The following SEPTIN3 variants were observed in gnomAD, a reference collection of about 807,000 sequenced individuals.
The protein encoded by SEPTIN3 is septin 3.
SEPTIN3 carries 15 observed loss-of-function variants against 45.1 expected under a neutral mutation model. The observed-to-expected ratio is 0.33, with a 90% CI of 0.22 to 0.51. SEPTIN3 has a LOEUF of 0.51. SEPTIN3 is among the 20% of genes least tolerant of loss of function. SEPTIN3 has a pLI of 0.97. For synonymous variants in SEPTIN3, 148 were observed against 164.8 expected, an observed-to-expected ratio of 0.90 and a Z score of 0.78; for missense variants, 289 against 457.2, an observed-to-expected ratio of 0.63 and a Z score of 3.35.
chr22:41,979,554 C>T (rs2078088300), intron 2 of SEPTIN3, among the ~76,000 whole-genome samples: 3 of 152,310 alleles, frequency 2.0e-5, no homozygotes, highest in Admixed American at 1.3e-4. Context: ...CTGTGAGCCA[C>T]GTGCAAGAGT....
intron 7 of SEPTIN3, 80 bp from the exon 8 acceptor site, chr22:41,991,493 G>C: frequency 9.9e-7 from 1 of 1,013,744 alleles, no homozygotes; most frequent in Non-Finnish European, 1.6e-6. Context: ...TCTGACCTCA[G>C]CTCACGCACA....
intron 2 of SEPTIN3, 98 bp from the exon 3 acceptor site, chr22:41,981,547 T>C (rs2078120362): frequency 2.9e-6 from 3 of 1,046,284 alleles, no homozygotes; most frequent in Admixed American, 2.6e-5. Context: ...GGCCCAACTT[T>C]GTATGATTCT....
Position 41,971,700 on chromosome 22 carries a change from C to T in SEPTIN3, c.208C>T (p.Arg70Trp), listed in dbSNP as rs552244203. ...PQSHIPQTSS[R>W]LGLGARTRSV... ...AAGCCATATCCCACAGACCTCCAGC[C>T]GGCTGGGCCTTGGAGCCAGGACCCG... Residue 70 changes from arginine to tryptophan, a missense_variant, in exon 2 of 12, where the codon CGG (arginine) becomes TGG (tryptophan). Coordinates refer to ENST00000644076, the MANE Select transcript of SEPTIN3 (RefSeq NM_001363845.2). The T allele has an allele frequency of 1.3e-5, 5 of 399,210 alleles. No homozygotes were observed. Among genetic ancestry groups the T allele is most frequent in the East Asian group, 7.1e-5 (2 of 28,060 alleles). The allele number at this position is 399,210 out of a possible 1,614,324, so 24.7% of individuals were successfully genotyped here. A position where few individuals can be genotyped will look rare whatever the true frequency, so the allele number is the denominator to read the frequency against.
Position 41,994,742 on chromosome 22 carries a change from G to T in SEPTIN3, c.2505+28G>T. 6.2e-7 allele frequency: 1 copy of T among 1,614,050 alleles called. No individual in the cohort carries two copies. Among genetic ancestry groups the T allele is most frequent in the Non-Finnish European group, 8.5e-7 (1 of 1,180,032 alleles). ...GAGCGTGGACACAGAGGAAAGCCAC[G>T]ACAGTAACCCATGACGACCACTTCT... On this transcript the variant is annotated intron_variant, in intron 11 of 11. Coordinates refer to ENST00000644076, the MANE Select transcript of SEPTIN3 (RefSeq NM_001363845.2). This position sits in a 1 kb window ranked among gnomAD's most constrained non-coding sequence, Gnocchi z 4.2.
In SEPTIN3 at chr22:41,997,306, G is replaced by A; in HGVS notation, c.*339G>A. On this transcript the variant is annotated 3_prime_UTR_variant, in exon 12 of 12. Transcript: ENST00000644076. Reference sequence around the variant, plus strand: ...CTTGTAACCATCTCTAAGGGCAATGGCATTGCTCCCTACCCATTCATCTGC... The same window carrying A: ...CTTGTAACCATCTCTAAGGGCAATGACATTGCTCCCTACCCATTCATCTGC... The A allele has an allele frequency of 3.4e-6, 1 of 295,042 alleles. No individual in the cohort carries two copies. The allele number at this position is 295,042 out of a possible 1,614,324, so 18.3% of individuals were successfully genotyped here.
At chr22:41,985,385 A>G (rs1398383230) in intron 3 of SEPTIN3, among the ~76,000 whole-genome samples, 1 of 152,216 alleles carries the variant, frequency 6.6e-6, no homozygotes, top group Non-Finnish European at 1.5e-5. Flanking sequence ...CTACACTAGA[A>G]GAAAGAGTGG....
In SEPTIN3 at chr22:41,991,688, C is replaced by G. The variant is rs766510811; in HGVS notation, c.2259+20C>G. The G allele has an allele frequency of 1.3e-6, 2 of 1,485,940 alleles. No homozygotes were observed. The highest frequency in any genetic ancestry group is 1.9e-6 in the Non-Finnish European group (2 of 1,063,614). 92.0% of individuals were successfully genotyped at this position (1,485,940 alleles called of 1,614,324 possible). ...ATCAGGGTGGGTGCCTGGGGCACTG[C>G]TCCTCCACTGATGCCCCCTTGCGAC... On this transcript the variant is annotated intron_variant, in intron 8 of 11. Transcript: ENST00000644076.
chr22:41,994,505 T>C lies in SEPTIN3; in HGVS notation c.2412-116T>C. 1 of 1,551,790 alleles carries C rather than the reference T, an allele frequency of 6.4e-7. No homozygotes were observed. The highest frequency in any genetic ancestry group is 8.8e-7 in the Non-Finnish European group (1 of 1,137,480). On this transcript the variant is annotated intron_variant, in intron 10 of 11. Transcript: ENST00000644076. This position sits in a 1 kb window ranked among gnomAD's most constrained non-coding sequence, Gnocchi z 4.2. ...ATGGAAGGTGCTGTAGAAGAATCCT[T>C]AGCTCCTGGGAGTGGTTCCCATTCA...
At chr22:41,977,152 G>C in intron 2 of SEPTIN3, 28 of 1,464,410 alleles carry the variant, frequency 1.9e-5, no homozygotes, top group Non-Finnish European at 2.6e-5. Context: ...AGGCGCTCCT[G>C]GGGGAGGGTT....
At position 41,971,637 on chromosome 22, in the gene SEPTIN3, G is replaced by C. The variant is rs76401019; in HGVS notation, c.145G>C (p.Val49Leu). 5.0e-6 allele frequency: 2 copies of C among 397,948 alleles called. No individual in the cohort carries two copies. The highest frequency in any genetic ancestry group is 4.1e-5 in the African/African-American group (2 of 48,194). 24.7% of individuals were successfully genotyped at this position (397,948 alleles called of 1,614,324 possible). A position where few individuals can be genotyped will look rare whatever the true frequency, so the allele number is the denominator to read the frequency against. ...LPGGGSPLTP[V>L]LRKTIHLDTF... The stretch of plus-strand genomic sequence containing the variant: ...TGGAGGAGGGTCCCCCCTCACCCCC[G>C]TCCTCAGGAAGACCATCCATCTGGA... Residue 49 changes from valine to leucine, a missense_variant, in exon 2 of 12, where the codon GTC becomes CTC. Val to Leu is a conservative substitution (Grantham distance 32, BLOSUM62 1). Around this residue, in one of 3 missense-constraint regions of SEPTIN3, gnomAD observed 200 missense variants for 315.1 expected, o/e 0.63. Coordinates refer to ENST00000644076, the MANE Select transcript of SEPTIN3 (RefSeq NM_001363845.2).
intron 3 of SEPTIN3, among the ~76,000 whole-genome samples, chr22:41,983,488 C>G (rs1410097841): frequency 3.9e-5 from 6 of 152,210 alleles, no homozygotes; most frequent in Non-Finnish European, 8.8e-5. Flanking sequence ...AACTCTGTAA[C>G]AAACTCTCCT....
rs976429747 is a variant in SEPTIN3 at position 41,996,017 on chromosome 22, G to C, written c.2506-885G>C. The stretch of plus-strand genomic sequence containing the variant: ...TCAGACTTCTCTCCCTTCTAAGCAG[G>C]CTTCTCTGTTGCTCCATTTGCTTCA... On this transcript the variant is annotated intron_variant, in intron 11 of 11. Coordinates refer to ENST00000644076, the MANE Select transcript of SEPTIN3 (RefSeq NM_001363845.2). 4 of 985,172 alleles carry C rather than the reference G, an allele frequency of 4.1e-6. No homozygotes were observed. The Admixed American group carries it at 2.5e-4, about 61-fold the overall frequency. 61.0% of individuals were successfully genotyped at this position (985,172 alleles called of 1,614,324 possible). A position where few individuals can be genotyped will look rare whatever the true frequency, so the allele number is the denominator to read the frequency against.
chr22:41,972,317 C>T lies in SEPTIN3; in HGVS notation c.825C>T (p.Asn275=), dbSNP rs2077968621. The T allele has an allele frequency of 2.5e-6, 1 of 399,084 alleles. No homozygotes were observed. Among genetic ancestry groups the T allele is most frequent in the Admixed American group, 4.4e-5 (1 of 22,724 alleles). 24.7% of individuals were successfully genotyped at this position (399,084 alleles called of 1,614,324 possible). ...GACATTTAGCCACAATGGCCACCAA[C>T]AGACCTAGCTTGGCTATCAATTTAG... The part of the protein sequence containing the change: ...AARHLATMAT[N]RPSLAINLAT... Residue 275 remains asparagine, a synonymous_variant, in exon 2 of 12, where the codon AAC becomes AAT. Transcript: ENST00000644076.
chr22:41,997,246 G>C lies in SEPTIN3; in HGVS notation c.*279G>C, dbSNP rs530994752. 6.3e-6 allele frequency: 3 copies of C among 479,850 alleles called. No individual in the cohort carries two copies. In the South Asian group the frequency reaches 8.7e-5, roughly 14 times the overall value. The allele number at this position is 479,850 out of a possible 1,614,324, so 29.7% of individuals were successfully genotyped here. On this transcript the variant is annotated 3_prime_UTR_variant, in exon 12 of 12. Coordinates refer to ENST00000644076, the MANE Select transcript of SEPTIN3 (RefSeq NM_001363845.2). ...TCTGCAGGGTGAAAGAACTCATCAA[G>C]AGCTCCTTCTGCCCTTGTAAGCCCA...
At chr22:41,977,288 C>T (rs1006333385) in intron 2 of SEPTIN3, among the ~76,000 whole-genome samples, 2 of 152,060 alleles carry the variant, frequency 1.3e-5, no homozygotes, top group Admixed American at 1.3e-4. Context: ...CAGGGACCCA[C>T]GGACACGCAA....
intron 3 of SEPTIN3, chr22:41,985,718 A>G: frequency 3.2e-6 from 1 of 315,468 alleles, no homozygotes; most frequent in Non-Finnish European, 6.0e-6. Context: ...ACATATGCAG[A>G]GGTTGTCCCT....
At chr22:41,977,003 C>T (rs1300907576) in intron 2 of SEPTIN3, 12 of 1,561,022 alleles carry the variant, frequency 7.7e-6, no homozygotes. Flanking sequence ...CCGCGCCCCG[C>T]TCAGCCTTGC....
intron 4 of SEPTIN3, 107 bp downstream of exon 4, chr22:41,986,219 TA>T: frequency 6.5e-6 from 9 of 1,391,162 alleles, no homozygotes; most frequent in Non-Finnish European, 8.8e-6. Context: ...AAGGCAACCT[TA>T]AGACAAAACA....
rs2077970278 is a variant in SEPTIN3, at chr22:41,972,508, C to G, written c.1016C>G (p.Thr339Ser). ...AAGCCGGGCACAGCCATGAATCTGA[C>G]TACAGTTGGGACAACCAAGCCAGGG... ...TIKPGTAMNL[T>S]TVGTTKPGMV... Residue 339 changes from threonine to serine, a missense_variant, in exon 2 of 12, where the codon ACT becomes AGT. By Grantham distance (58) the Thr-to-Ser change is moderately conservative. Around this residue, in one of 3 missense-constraint regions of SEPTIN3, gnomAD observed 200 missense variants for 315.1 expected, o/e 0.63. Coordinates refer to ENST00000644076, the MANE Select transcript of SEPTIN3 (RefSeq NM_001363845.2). 1 of 398,982 alleles carries G rather than the reference C, an allele frequency of 2.5e-6. No homozygotes were observed. The highest frequency in any genetic ancestry group is 4.4e-5 in the Admixed American group (1 of 22,714). The allele number at this position is 398,982 out of a possible 1,614,324, so 24.7% of individuals were successfully genotyped here.
Sources: gnomAD v4.1 joint callset for allele counts (sites outside exome capture counted in the v4.1 genomes callset) on GRCh38, gnomAD v4.1.1 for gene constraint, gnomAD v4.1.1 regional missense constraint, Gnocchi (gnomAD v3.1) non-coding constraint, MANE v1.5 for transcripts, NCBI Gene and HGNC (gene_info 2026-07-23, HGNC 2026-07-21) for gene names.